Variants in LRP1B observed in about 807,000 individuals in gnomAD.
LRP1B encodes the protein LDL receptor related protein 1B.
Under a neutral mutation model 556.6 loss-of-function variants are expected in LRP1B, and 217 were observed. The ratio of observed to expected loss-of-function variants is 0.39; its 90% CI spans 0.35 to 0.44. The LOEUF (loss-of-function observed/expected upper bound fraction) is 0.44. LRP1B is among the 20% of genes least tolerant of loss of function. LRP1B has a pLI of 1.00. For missense variants in LRP1B, 5,053 were observed against 5,620.8 expected, an observed-to-expected ratio of 0.90 and a Z score of 3.23; for synonymous variants, 2,047 against 1,865.8, an observed-to-expected ratio of 1.10 and a Z score of -2.50.
intron 83 of LRP1B, among the ~76,000 whole-genome samples, chr2:140,304,371 T>A (rs1434683421): frequency 1.3e-5 from 2 of 152,188 alleles, no homozygotes. Flanking sequence ...TGAGATGGTA[T>A]CTCACTGTGG....
chr2:141,127,848 T>A (rs1701253978), intron 7 of LRP1B, among the ~76,000 whole-genome samples: 1 of 152,200 alleles, frequency 6.6e-6, no homozygotes, highest in Non-Finnish European at 1.5e-5. Flanking sequence ...TTACACTCTA[T>A]TTTCCTGGTT....
At chr2:141,101,442 A>C (rs187525150) in intron 7 of LRP1B, among the ~76,000 whole-genome samples, 1 of 152,326 alleles carries the variant, frequency 6.6e-6, no homozygotes, top group African/African-American at 2.4e-5. Context: ...CTGTAGTTTT[A>C]GTTTAATAAC....
At chr2:141,096,629 G>GGAGAGGGAGGGAGAGAGA (rs1700318285) in intron 7 of LRP1B, among the ~76,000 whole-genome samples, 1 of 59,744 alleles carries the variant, frequency 1.7e-5, no homozygotes, top group African/African-American at 7.3e-5. Context: ...GGGGAGAGGG[G>GGAGAGGGAGGGAGAGAGA]GAGAGAGAGA....
chr2:142,105,698 T>A (rs920450962), intron 1 of LRP1B, among the ~76,000 whole-genome samples: 1 of 152,204 alleles, frequency 6.6e-6, no homozygotes, highest in African/African-American at 2.4e-5. Context: ...AAACTCTGTT[T>A]ATATTTTGAA....
Position 141,376,606 on chromosome 2 carries a change from TG to T in LRP1B, c.343+103789del, listed in dbSNP as rs545573451. ...TGCAATCTGTTTTTAGATGCAGAAATGTTTTAAAATATGCATGAAAATTTTT... is the reference window on the plus strand; with the variant it reads ...TGCAATCTGTTTTTAGATGCAGAAATTTTTAAAATATGCATGAAAATTTTT... On this transcript the variant is annotated intron_variant, in intron 3 of 90. Transcript: ENST00000389484. 5.0e-3 allele frequency among the ~76,000 whole-genome samples: 763 copies of T among 152,344 alleles called. 9 individuals carry two copies. The highest frequency in any genetic ancestry group is 0.018 in the African/African-American group (736 of 41,584).
intron 4 of LRP1B, among the ~76,000 whole-genome samples, chr2:141,253,045 C>A (rs436733): frequency 0.22 from 32,786 of 152,154 alleles, 3,628 homozygotes; most frequent in South Asian, 0.25. Context: ...TGCACCCTTG[C>A]AAAAGGAACT....
At chr2:140,993,914 T>C (rs2105358417) in intron 16 of LRP1B, 81 bp downstream of exon 16, 1 of 1,405,502 alleles carries the variant, frequency 7.1e-7, no homozygotes, top group Non-Finnish European at 9.8e-7. Flanking sequence ...TATTTTCAGA[T>C]TGTCACAAAC....
intron 41 of LRP1B, among the ~76,000 whole-genome samples, chr2:140,608,830 CTTTG>C (rs539700122): frequency 1.6e-4 from 21 of 127,846 alleles, no homozygotes; most frequent in East Asian, 7.7e-4. Flanking sequence ...TGATTTGTTT[CTTTG>C]TTTGTTTGTT....
rs540712490 is a variant in LRP1B at position 140,270,389 on chromosome 2, C to T, written c.13143-43G>A. ...AAAAGAACAATTTCATTGTTATTGG[C>T]AACATTATTGCTGAAAGCTGACATA... On this transcript the variant is annotated intron_variant, in intron 85 of 90. Coordinates refer to ENST00000389484, the MANE Select transcript of LRP1B (RefSeq NM_018557.3). 3.3e-6 allele frequency: 4 copies of T among 1,220,196 alleles called. No individual in the cohort carries two copies. The South Asian group carries it at 4.8e-5, about 15-fold the overall frequency. 75.6% of individuals were successfully genotyped at this position (1,220,196 alleles called of 1,614,324 possible).
intron 3 of LRP1B, among the ~76,000 whole-genome samples, chr2:141,367,735 G>T (rs1311119257): frequency 6.6e-6 from 1 of 151,834 alleles, no homozygotes; most frequent in East Asian, 1.9e-4. Flanking sequence ...ACCCGCCTCA[G>T]CCTCCCAAAG....
In LRP1B at chr2:141,950,590, A is replaced by G. The variant is rs536503877; in HGVS notation, c.83-140189T>C. On this transcript the variant is annotated intron_variant, in intron 1 of 90. Coordinates refer to ENST00000389484, the MANE Select transcript of LRP1B (RefSeq NM_018557.3). Reference sequence around the variant, plus strand: ...ACTTCAAATAAGCAATGAGAATGTCAATTTGATGAGCATTCATAGCATTTG... The same window carrying G: ...ACTTCAAATAAGCAATGAGAATGTCGATTTGATGAGCATTCATAGCATTTG... Among the ~76,000 whole-genome samples, 6 of 152,260 alleles carry G rather than the reference A, an allele frequency of 3.9e-5. No homozygotes were observed. The South Asian group carries it at 1.2e-3, about 32-fold the overall frequency.
chr2:141,768,729 T>C (rs928629613), intron 2 of LRP1B, among the ~76,000 whole-genome samples: 7 of 152,110 alleles, frequency 4.6e-5, no homozygotes, highest in African/African-American at 1.2e-4. Flanking sequence ...TTGATTTTAA[T>C]TGAAAATTAA....
At chr2:141,485,261 G>A (rs1374528083) in intron 2 of LRP1B, among the ~76,000 whole-genome samples, 1 of 152,074 alleles carries the variant, frequency 6.6e-6, no homozygotes, top group South Asian at 2.1e-4. Context: ...GAGACAGCTG[G>A]ATCATGGCTG....
intron 1 of LRP1B, among the ~76,000 whole-genome samples, chr2:141,901,343 G>A (rs1345319051): frequency 6.6e-6 from 1 of 151,904 alleles, no homozygotes; most frequent in East Asian, 1.9e-4. Context: ...CTATGTTAGT[G>A]GGATGAGAAA....
chr2:141,491,139 C>T (rs1309407316), intron 2 of LRP1B, among the ~76,000 whole-genome samples: 1 of 152,060 alleles, frequency 6.6e-6, no homozygotes, highest in Non-Finnish European at 1.5e-5. Context: ...TTGATTGATT[C>T]TCATATCACA....
chr2:140,530,036 T>C (rs1001974177), intron 47 of LRP1B, among the ~76,000 whole-genome samples: 2 of 152,068 alleles, frequency 1.3e-5, no homozygotes, highest in Admixed American at 1.3e-4. Flanking sequence ...TTCTACTCTG[T>C]AAACAGACTC....
intron 1 of LRP1B, among the ~76,000 whole-genome samples, chr2:142,119,229 C>T (rs1438530082): frequency 6.6e-6 from 1 of 152,090 alleles, no homozygotes; most frequent in Non-Finnish European, 1.5e-5. Context: ...ACTAAGAAAG[C>T]AAGTTATTTT....
intron 1 of LRP1B, among the ~76,000 whole-genome samples, chr2:142,034,691 A>C (rs1703817963): frequency 6.6e-6 from 1 of 151,818 alleles, no homozygotes; most frequent in South Asian, 2.1e-4. Context: ...CCATTGTTCA[A>C]ACAAAATGTG....
intron 66 of LRP1B, among the ~76,000 whole-genome samples, chr2:140,390,664 T>C (rs907562561): frequency 6.6e-6 from 1 of 151,864 alleles, no homozygotes; most frequent in Non-Finnish European, 1.5e-5. Context: ...TATCATTAAA[T>C]AAAGAGATTT....
Sources: allele counts gnomAD v4.1 joint callset (sites outside exome capture counted in the v4.1 genomes callset), GRCh38; gene constraint gnomAD v4.1.1; transcripts MANE v1.5; gene names NCBI Gene and HGNC (gene_info 2026-07-23, HGNC 2026-07-21).